PDE10A: variants seen among roughly 807,000 people sequenced by gnomAD.
PDE10A encodes cAMP and cAMP-inhibited cGMP 3',5'-cyclic phosphodiesterase 10A.
Under a neutral mutation model 97.7 loss-of-function variants are expected in PDE10A, and 39 were observed. That is an observed-to-expected ratio of 0.40 (90% CI 0.31 to 0.52). The LOEUF (loss-of-function observed/expected upper bound fraction) is 0.52, where lower values mean the gene tolerates loss of function less well. PDE10A is among the 20% of genes least tolerant of loss of function. The pLI, the probability that PDE10A is intolerant of heterozygous loss-of-function variation, is 0.56. For synonymous variants in PDE10A, 371 were observed against 376.8 expected (o/e 0.98, Z 0.18); for missense variants, 731 against 1,047.8 (o/e 0.70, Z 4.17).
At chr6:165,358,959 T>C (rs1783210919) in intron 18 of PDE10A, among the ~76,000 whole-genome samples, 1 of 151,728 alleles carries the variant, frequency 6.6e-6, no homozygotes, top group Non-Finnish European at 1.5e-5. Context: ...TGAAAATTAA[T>C]GTTCTTCCAC....
chr6:165,450,393 A>G, intron 3 of PDE10A, 31 bp from the exon 4 acceptor site: 1 of 1,386,032 alleles, frequency 7.2e-7, no homozygotes, highest in Non-Finnish European at 1.0e-6. Flanking sequence ...AAATAAAAAC[A>G]GAGTTTAAAT....
At chr6:165,692,888 C>T (rs1483441383) in intron 1 of PDE10A, among the ~76,000 whole-genome samples, 2 of 152,104 alleles carry the variant, frequency 1.3e-5, no homozygotes, top group South Asian at 2.1e-4. Flanking sequence ...ACTTTATTTC[C>T]AAATTCTGAC....
chr6:165,693,859 C>T (rs1052013424), intron 1 of PDE10A, among the ~76,000 whole-genome samples: 1 of 152,178 alleles, frequency 6.6e-6, no homozygotes, highest in African/African-American at 2.4e-5. Context: ...AAACAGTTCT[C>T]AGGCTTCAAA....
intron 1 of PDE10A, among the ~76,000 whole-genome samples, chr6:165,686,872 A>G (rs1239976839): frequency 3.3e-5 from 5 of 152,374 alleles, no homozygotes; most frequent in Admixed American, 1.3e-4. Flanking sequence ...TGTGAGCTGC[A>G]GAGCCACCTT....
rs1780725644 is a variant in PDE10A at position 165,856,104 on chromosome 6, A to G, written c.-615+131425T>C. ...AGTCCCTGGCTAGGAAGGAGCCTCA[A>G]GGCCTCTGATGCAGGGGCTCCCTGA... is the stretch of plus-strand genomic sequence containing the variant. On this transcript the variant is annotated intron_variant, in intron 1 of 19. Coordinates refer to the PDE10A transcript ENST00000366882. 2.0e-5 allele frequency among the ~76,000 whole-genome samples: 3 copies of G among 152,212 alleles called. No homozygotes were observed. The South Asian group carries it at 6.2e-4, about 32-fold the overall frequency.
intron 1 of PDE10A, among the ~76,000 whole-genome samples, chr6:165,973,814 A>G (rs1784770801): frequency 2.0e-5 from 3 of 152,344 alleles, no homozygotes; most frequent in African/African-American, 7.2e-5. Flanking sequence ...TTTTCATGTA[A>G]AGTTTTTTTA....
At chr6:165,922,639 G>A (rs903334247) in intron 1 of PDE10A, among the ~76,000 whole-genome samples, 6 of 152,164 alleles carry the variant, frequency 3.9e-5, no homozygotes, top group Admixed American at 6.5e-5. Context: ...GTGGCATTCT[G>A]AGAAATCATG....
intron 12 of PDE10A, 32 bp from the exon 13 acceptor site, chr6:165,413,719 A>C: frequency 6.5e-7 from 1 of 1,549,072 alleles, no homozygotes; most frequent in Non-Finnish European, 8.9e-7. Context: ...AATAACAACA[A>C]CAACAAAAGG....
chr6:165,657,540 G>A (rs946117236), intron 1 of PDE10A, among the ~76,000 whole-genome samples: 1 of 152,202 alleles, frequency 6.6e-6, no homozygotes, highest in South Asian at 2.1e-4. Flanking sequence ...TTAACCTGCC[G>A]TATAGTAAAC....
At chr6:165,684,285 T>A (rs2128440154) in intron 1 of PDE10A, among the ~76,000 whole-genome samples, 1 of 152,380 alleles carries the variant, frequency 6.6e-6, no homozygotes, top group African/African-American at 2.4e-5. Flanking sequence ...AACATAGGAC[T>A]GCCTGGTCCA....
chr6:165,412,761 C>A (rs1452087044), intron 13 of PDE10A, among the ~76,000 whole-genome samples: 2 of 152,096 alleles, frequency 1.3e-5, no homozygotes, highest in Non-Finnish European at 2.9e-5. Flanking sequence ...AGCAGTTTCT[C>A]TAATTGATTA....
At position 165,328,848 on chromosome 6, in the gene PDE10A, C is replaced by A. The variant is rs1039684411; in HGVS notation, c.*4177G>T. Reference sequence around the variant, plus strand: ...TGGAAAAAAGACAAAAAAGTGTGCACTGCATTGGATATTACTAATTTAAAC... The same window carrying A: ...TGGAAAAAAGACAAAAAAGTGTGCAATGCATTGGATATTACTAATTTAAAC... On this transcript the variant is annotated 3_prime_UTR_variant, in exon 22 of 22. Transcript: ENST00000539869. The A allele has an allele frequency of 1.3e-5, 2 of 152,142 alleles. No homozygotes were observed. The highest frequency in any genetic ancestry group is 4.1e-4 in the South Asian group (2 of 4,820). 9.4% of individuals were successfully genotyped at this position (152,142 alleles called of 1,614,324 possible). A position where few individuals can be genotyped will look rare whatever the true frequency, so the allele number is the denominator to read the frequency against.
intron 1 of PDE10A, among the ~76,000 whole-genome samples, chr6:165,848,490 T>C (rs1374525660): frequency 6.6e-6 from 1 of 152,204 alleles, no homozygotes; most frequent in Non-Finnish European, 1.5e-5. Flanking sequence ...TGGCCCCTGA[T>C]TAAATTCCAT....
intron 1 of PDE10A, among the ~76,000 whole-genome samples, chr6:165,901,481 T>C (rs1018702955): frequency 6.6e-6 from 1 of 152,178 alleles, no homozygotes; most frequent in African/African-American, 2.4e-5. Flanking sequence ...CCCCTGCCTC[T>C]CATCTGGCTG....
chr6:165,840,806 G>A (rs1207751026), intron 1 of PDE10A, among the ~76,000 whole-genome samples: 1 of 152,186 alleles, frequency 6.6e-6, no homozygotes, highest in African/African-American at 2.4e-5. Flanking sequence ...ATATAAATGT[G>A]CACTAAAATT....
intron 1 of PDE10A, among the ~76,000 whole-genome samples, chr6:165,903,265 A>C (rs1177649568): frequency 6.6e-6 from 1 of 152,220 alleles, no homozygotes; most frequent in Non-Finnish European, 1.5e-5. Context: ...TTCAGTTTTT[A>C]AAAAACTTTT....
intron 1 of PDE10A, among the ~76,000 whole-genome samples, chr6:165,765,273 C>A (rs1196742939): frequency 6.6e-6 from 1 of 152,284 alleles, no homozygotes; most frequent in African/African-American, 2.4e-5. Context: ...GCCAGTCCCA[C>A]GCCATGCGCT....
intron 1 of PDE10A, among the ~76,000 whole-genome samples, chr6:165,588,118 T>C (rs1786022928): frequency 6.6e-6 from 1 of 152,176 alleles, no homozygotes; most frequent in African/African-American, 2.4e-5. Context: ...TCTAAAAAAA[T>C]GGTATGTATA....
intron 1 of PDE10A, among the ~76,000 whole-genome samples, chr6:165,823,482 T>TTATATATATATATATATA (rs748139541): frequency 2.7e-5 from 1 of 37,472 alleles, no homozygotes; most frequent in Non-Finnish European, 5.5e-5. Context: ...ATAGTTAACT[T>TTATATATATATATATATA]TATATATATA....
Sources: allele counts gnomAD v4.1 joint callset (sites outside exome capture counted in the v4.1 genomes callset), GRCh38; gene constraint gnomAD v4.1.1; transcripts MANE v1.5; gene names NCBI Gene and HGNC (gene_info 2026-07-23, HGNC 2026-07-21).